SIPA1L3: variants seen among roughly 807,000 people sequenced by gnomAD.
SIPA1L3 encodes signal-induced proliferation-associated 1-like protein 3.
Under a neutral mutation model 150.1 loss-of-function variants are expected in SIPA1L3, and 59 were observed. That is an observed-to-expected ratio of 0.39 (90% CI 0.32 to 0.49). The LOEUF (loss-of-function observed/expected upper bound fraction) is 0.49, where lower values mean the gene tolerates loss of function less well. SIPA1L3 is among the 20% of genes least tolerant of loss of function. SIPA1L3 has a pLI of 0.86. For missense variants in SIPA1L3, 2,211 were observed against 2,489.5 expected (o/e 0.89, Z 2.38); for synonymous variants, 1,070 against 1,077.6 (o/e 0.99, Z 0.14).
chr19:38,045,383 A>G (rs572261553), intron 2 of SIPA1L3, among the ~76,000 whole-genome samples: 2 of 151,948 alleles, frequency 1.3e-5, no homozygotes, highest in South Asian at 4.2e-4. Flanking sequence ...GTCTCAAAAA[A>G]AAAAAAAGAT....
chr19:38,099,189 C>T (rs541127213), intron 4 of SIPA1L3, among the ~76,000 whole-genome samples: 1 of 152,226 alleles, frequency 6.6e-6, no homozygotes, highest in South Asian at 2.1e-4. Flanking sequence ...GTGCATGCCA[C>T]CATGCCTGGC....
rs368421045 is a variant in SIPA1L3, at chr19:38,041,510, C to T, written c.-311+12354C>T. Reference sequence around the variant, plus strand: ...GCCAGGCTGATCTCAAACTCCTGACCTCGTGATCCGCCTGCCTCAGCCTCC... The same window carrying T: ...GCCAGGCTGATCTCAAACTCCTGACTTCGTGATCCGCCTGCCTCAGCCTCC... On this transcript the variant is annotated intron_variant, in intron 2 of 21. Transcript: ENST00000222345. Among the ~76,000 whole-genome samples the T allele has an allele frequency of 1.6e-3, 243 of 152,216 alleles. 1 individual carries two copies. Among genetic ancestry groups the T allele is most frequent in the African/African-American group, 5.6e-3 (233 of 41,510 alleles).
intron 12 of SIPA1L3, among the ~76,000 whole-genome samples, chr19:38,147,891 AC>A (rs1434403865): frequency 7.9e-5 from 12 of 152,054 alleles, no homozygotes; most frequent in African/African-American, 2.9e-4. Context: ...CAAGATGAGA[AC>A]CCGGGACTAT....
intron 10 of SIPA1L3, among the ~76,000 whole-genome samples, chr19:38,133,343 T>C (rs2145923671): frequency 6.6e-6 from 1 of 152,378 alleles, no homozygotes; most frequent in East Asian, 1.9e-4. Context: ...ATCTTCATTC[T>C]GTCATTCCTT....
intron 1 of SIPA1L3, among the ~76,000 whole-genome samples, chr19:38,017,398 A>T (rs769495862): frequency 6.6e-6 from 1 of 151,632 alleles, no homozygotes; most frequent in Non-Finnish European, 1.5e-5. Context: ...TCTACCACAC[A>T]CCCATGGCCA....
At chr19:37,968,581 G>A (rs908759243) in intron 1 of SIPA1L3, among the ~76,000 whole-genome samples, 1 of 152,148 alleles carries the variant, frequency 6.6e-6, no homozygotes, top group South Asian at 2.1e-4. Context: ...ACTGTCCGAA[G>A]GAAATGGAGA....
chr19:38,169,257 T>C (rs997118484), intron 15 of SIPA1L3, among the ~76,000 whole-genome samples: 2 of 151,984 alleles, frequency 1.3e-5, no homozygotes, highest in African/African-American at 2.4e-5. Flanking sequence ...GGCGTGGTGG[T>C]GCACGCCTGT....
At chr19:38,197,869 C>A (rs562425338) in intron 18 of SIPA1L3, among the ~76,000 whole-genome samples, 1 of 140,860 alleles carries the variant, frequency 7.1e-6, no homozygotes, top group Non-Finnish European at 1.5e-5. Context: ...TGTCTCCCCC[C>A]AAATCCCCCC....
chr19:37,971,281 T>C (rs1966925485), intron 1 of SIPA1L3, among the ~76,000 whole-genome samples: 1 of 151,954 alleles, frequency 6.6e-6, no homozygotes, highest in Admixed American at 6.6e-5. Flanking sequence ...GCACCTGGCA[T>C]ATTTGCCCTT....
chr19:38,091,244 G>T (rs117709895), intron 4 of SIPA1L3, among the ~76,000 whole-genome samples: 3 of 151,886 alleles, frequency 2.0e-5, no homozygotes, highest in African/African-American at 7.3e-5. Context: ...AAATTAGCTG[G>T]GTATATTAGT....
rs145768040 is a variant in SIPA1L3 at position 38,046,725 on chromosome 19, C to T, written c.-311+17569C>T. On this transcript the variant is annotated intron_variant, in intron 2 of 21. Transcript: ENST00000222345. This position sits in a 1 kb window ranked among gnomAD's most constrained non-coding sequence, Gnocchi z 5.6. Reference sequence around the variant, plus strand: ...CAGGTCCCCCGAGCAGCTCCTCTGACCCCGCAACCCGGCATCTCCTGTGCC... The same window carrying T: ...CAGGTCCCCCGAGCAGCTCCTCTGATCCCGCAACCCGGCATCTCCTGTGCC... Among the ~76,000 whole-genome samples the T allele has an allele frequency of 2.0e-5, 3 of 152,192 alleles. No homozygotes were observed. The highest frequency in any genetic ancestry group is 7.2e-5 in the African/African-American group (3 of 41,458).
At chr19:37,961,901 G>A (rs1448116477) in intron 1 of SIPA1L3, among the ~76,000 whole-genome samples, 1 of 151,900 alleles carries the variant, frequency 6.6e-6, no homozygotes, top group Non-Finnish European at 1.5e-5. Flanking sequence ...CTGCCGTTGA[G>A]CCCCTCTAGT....
At chr19:37,995,254 G>C (rs1967608776) in intron 1 of SIPA1L3, among the ~76,000 whole-genome samples, 1 of 150,090 alleles carries the variant, frequency 6.7e-6, no homozygotes, top group Admixed American at 6.6e-5. Flanking sequence ...GCAAGAGACA[G>C]GGGATGGCAG....
intron 14 of SIPA1L3, among the ~76,000 whole-genome samples, chr19:38,163,469 G>A (rs910660114): frequency 1.5e-5 from 2 of 131,956 alleles, no homozygotes; most frequent in African/African-American, 3.0e-5. Flanking sequence ...CAGCCTGAGC[G>A]ACAGAGTGAG....
chr19:38,131,982 C>T (rs112951092), intron 10 of SIPA1L3, among the ~76,000 whole-genome samples: 3 of 152,052 alleles, frequency 2.0e-5, no homozygotes, highest in Non-Finnish European at 2.9e-5. Flanking sequence ...CACCTGTAAT[C>T]GTAACACTCT....
Position 38,002,972 on chromosome 19 carries a change from G to T in SIPA1L3, c.-378-26117G>T, listed in dbSNP as rs8113411. On this transcript the variant is annotated intron_variant, in intron 1 of 21. Coordinates refer to ENST00000222345, the MANE Select transcript of SIPA1L3 (RefSeq NM_015073.3). Reference sequence around the variant, plus strand: ...CAGCCTGGCCAATGTGGTGAAACCCGATCTCTACTAAAAATACAAAAAAAT... The same window carrying T: ...CAGCCTGGCCAATGTGGTGAAACCCTATCTCTACTAAAAATACAAAAAAAT... Among the ~76,000 whole-genome samples, 365 of 151,402 alleles carry T rather than the reference G, an allele frequency of 2.4e-3. 3 individuals are homozygous for T. The highest frequency in any genetic ancestry group is 8.7e-3 in the African/African-American group (358 of 41,202).
chr19:38,193,816 AC>A, intron 18 of SIPA1L3, 36 bp downstream of exon 18: 1 of 1,508,072 alleles, frequency 6.6e-7, no homozygotes, highest in African/African-American at 1.4e-5. Flanking sequence ...CGCGGTAGTT[AC>A]CCCAAGGTTG....
chr19:37,937,740 T>TTAAAAAAAAAAAAAAAAAA (rs1432360946), intron 1 of SIPA1L3, among the ~76,000 whole-genome samples: 1 of 12,448 alleles, frequency 8.0e-5, no homozygotes, highest in Non-Finnish European at 1.2e-4. Flanking sequence ...AAACCCTGTC[T>TTAAAAAAAAAAAAAAAAAA]CAAAAAAAAA....
Position 38,162,241 on chromosome 19 carries a change from G to A in SIPA1L3, c.3662-12G>A. 6.2e-7 allele frequency: 1 copy of A among 1,611,768 alleles called. No homozygotes were observed. Among genetic ancestry groups the A allele is most frequent in the Non-Finnish European group, 8.5e-7 (1 of 1,177,772 alleles). ...ACTCCTAACCACTGGTGTGTCTCCT[G>A]TTTTCCTACAGAGCCTTTGTGGCAT... On this transcript the variant is annotated splice_polypyrimidine_tract_variant and intron_variant, in intron 13 of 21. Coordinates refer to ENST00000222345, the MANE Select transcript of SIPA1L3 (RefSeq NM_015073.3).
Sources: gnomAD v4.1 joint callset for allele counts (sites outside exome capture counted in the v4.1 genomes callset) on GRCh38, gnomAD v4.1.1 for gene constraint, Gnocchi (gnomAD v3.1) non-coding constraint, MANE v1.5 for transcripts, NCBI Gene and HGNC (gene_info 2026-07-23, HGNC 2026-07-21) for gene names.